ITGA1: variants seen among roughly 807,000 people sequenced by gnomAD.
ITGA1 encodes integrin alpha-1.
A neutral mutation model predicts 145.9 loss-of-function variants in ITGA1; 85 were observed. The ratio of observed to expected loss-of-function variants is 0.58; its 90% CI spans 0.49 to 0.70. The LOEUF (loss-of-function observed/expected upper bound fraction) is 0.70, where lower values mean the gene tolerates loss of function less well. Among genes scored for constraint, ITGA1 ranks in the 30% least tolerant of loss-of-function variants. The pLI is 0.00. For synonymous variants in ITGA1, 520 were observed against 495.3 expected (o/e 1.05, Z -0.66); for missense variants, 1,351 against 1,418.7 (o/e 0.95, Z 0.77).
At chr5:52,893,607 A>G (rs1371684806) in intron 8 of ITGA1, 68 bp from the exon 9 acceptor site, 1 of 1,414,964 alleles carries the variant, frequency 7.1e-7, no homozygotes, top group Non-Finnish European at 9.7e-7. Flanking sequence ...TACTGACAAA[A>G]TGCTTGAGAT....
Position 52,793,832 on chromosome 5 carries a change from G to A in ITGA1, c.61+5418G>A, listed in dbSNP as rs144833291. Among the ~76,000 whole-genome samples the A allele has an allele frequency of 4.9e-3, 740 of 152,106 alleles. 4 individuals are homozygous for A. The highest frequency in any genetic ancestry group is 6.5e-3 in the Non-Finnish European group (442 of 67,874). ...CTCTATCTTTAGAAGAGAGCTTCAG[G>A]AGAAAGGTGACAATAAAGTAATCAT... is the stretch of plus-strand genomic sequence containing the variant. On this transcript the variant is annotated intron_variant, in intron 1 of 28. Transcript: ENST00000282588.
intron 17 of ITGA1, among the ~76,000 whole-genome samples, chr5:52,922,093 G>A (rs1390655045): frequency 6.6e-6 from 1 of 152,098 alleles, no homozygotes; most frequent in Non-Finnish European, 1.5e-5. Flanking sequence ...CTGAGGTCAG[G>A]AGTTCGAGAC....
At chr5:52,873,782 A>G (rs1018429200) in intron 6 of ITGA1, among the ~76,000 whole-genome samples, 1 of 152,122 alleles carries the variant, frequency 6.6e-6, no homozygotes, top group Non-Finnish European at 1.5e-5. Flanking sequence ...TCTTACAGGA[A>G]CACACAAAAA....
intron 1 of ITGA1, among the ~76,000 whole-genome samples, chr5:52,825,643 G>A (rs1004853535): frequency 6.6e-6 from 1 of 152,098 alleles, no homozygotes; most frequent in African/African-American, 2.4e-5. Context: ...AAATAGGCAG[G>A]GCACAGTGGC....
chr5:52,886,368 T>C (rs1750047097), intron 7 of ITGA1, among the ~76,000 whole-genome samples: 1 of 152,234 alleles, frequency 6.6e-6, no homozygotes, highest in South Asian at 2.1e-4. Context: ...AATCCTCTCT[T>C]CCTGCTTAAA....
In ITGA1 at chr5:52,953,772, T is replaced by C. The variant is rs1443070611; in HGVS notation, c.*1321T>C. ...AGGAAAATAGCAATGAATGAATGTA[T>C]AGTAGCTGCATGTGTGAACTACTGC... On this transcript the variant is annotated 3_prime_UTR_variant, in exon 29 of 29. Transcript: ENST00000282588. 1 of 152,212 alleles carries C rather than the reference T, an allele frequency of 6.6e-6. No homozygotes were observed. The highest frequency in any genetic ancestry group is 1.9e-4 in the East Asian group (1 of 5,188). The allele number at this position is 152,212 out of a possible 1,614,324, so 9.4% of individuals were successfully genotyped here. A position where few individuals can be genotyped will look rare whatever the true frequency, so the allele number is the denominator to read the frequency against.
intron 10 of ITGA1, among the ~76,000 whole-genome samples, chr5:52,897,764 C>T (rs552465445): frequency 6.6e-6 from 1 of 152,256 alleles, no homozygotes; most frequent in South Asian, 2.1e-4. Flanking sequence ...GTGAATCAGA[C>T]AGTGTGAGCT....
chr5:52,957,078 C>T lies in ITGA1; in HGVS notation c.*4627C>T, dbSNP rs987937767. 2.0e-5 allele frequency: 3 copies of T among 152,134 alleles called. No individual in the cohort carries two copies. Among genetic ancestry groups the T allele is most frequent in the Admixed American group, 2.0e-4 (3 of 15,282 alleles). 9.4% of individuals were successfully genotyped at this position (152,134 alleles called of 1,614,324 possible). ...AACTGTAACATTGTAATCGGACGAACAAATCAGCATCTTTGATCCTCAGGT... is the reference window on the plus strand; with the variant it reads ...AACTGTAACATTGTAATCGGACGAATAAATCAGCATCTTTGATCCTCAGGT... On this transcript the variant is annotated 3_prime_UTR_variant, in exon 29 of 29. Coordinates refer to ENST00000282588, the MANE Select transcript of ITGA1 (RefSeq NM_181501.2).
intron 23 of ITGA1, among the ~76,000 whole-genome samples, chr5:52,936,416 G>A (rs950370634): frequency 2.0e-4 from 30 of 152,170 alleles, no homozygotes; most frequent in Admixed American, 1.5e-3. Context: ...GATGTATTTC[G>A]TCTTTACAAA....
chr5:52,800,321 C>T (rs1414723742), intron 1 of ITGA1: 1 of 1,555,774 alleles, frequency 6.4e-7, no homozygotes, highest in Non-Finnish European at 8.8e-7. Flanking sequence ...CCTGCATTCC[C>T]ATCCCCTCTC....
chr5:52,911,441 A>G (rs1288464485), intron 14 of ITGA1, among the ~76,000 whole-genome samples: 12 of 133,206 alleles, frequency 9.0e-5, no homozygotes, highest in Non-Finnish European at 9.4e-5. Context: ...TATATATAGT[A>G]TAGATACACT....
chr5:52,878,909 G>C (rs952974664), intron 6 of ITGA1, among the ~76,000 whole-genome samples: 9 of 149,232 alleles, frequency 6.0e-5, no homozygotes, highest in Non-Finnish European at 1.3e-4. Flanking sequence ...TGAGTTAAAT[G>C]TTTGCAAATA....
At chr5:52,896,722 TTTTGAGAATAA>T (rs1395925452) in intron 9 of ITGA1, among the ~76,000 whole-genome samples, 1 of 152,162 alleles carries the variant, frequency 6.6e-6, no homozygotes, top group Non-Finnish European at 1.5e-5. Context: ...TTTGTGAATA[TTTTGAGAATAA>T]TTTGAGAGTA....
intron 1 of ITGA1, among the ~76,000 whole-genome samples, chr5:52,796,540 A>C (rs573362887): frequency 9.2e-5 from 14 of 152,164 alleles, no homozygotes; most frequent in African/African-American, 3.1e-4. Context: ...GAAAATAAAT[A>C]TATAACTACA....
intron 8 of ITGA1, among the ~76,000 whole-genome samples, chr5:52,891,569 A>C (rs933656593): frequency 6.6e-6 from 1 of 151,224 alleles, no homozygotes; most frequent in Non-Finnish European, 1.5e-5. Flanking sequence ...AAAAAAAAAA[A>C]AAAAAAACCA....
chr5:52,880,467 C>T (rs1048851168), intron 6 of ITGA1, among the ~76,000 whole-genome samples: 3 of 152,204 alleles, frequency 2.0e-5, no homozygotes, highest in African/African-American at 7.2e-5. Context: ...TAAAAACACA[C>T]CAGAATATGC....
chr5:52,914,292 T>G (rs16880493), intron 14 of ITGA1, among the ~76,000 whole-genome samples: 9,953 of 152,122 alleles, frequency 0.065, 580 homozygotes, highest in Admixed American at 0.18. Flanking sequence ...CCAGAATCAA[T>G]CAAGCCCATA....
chr5:52,922,938 T>C (rs893662660), intron 18 of ITGA1, 51 bp downstream of exon 18: 3 of 1,051,384 alleles, frequency 2.9e-6, no homozygotes, highest in Non-Finnish European at 4.5e-6. Flanking sequence ...AACATTTTAA[T>C]GTCACTAGTA....
Position 52,800,633 on chromosome 5 carries a change from A to G in ITGA1, c.61+12219A>G, listed in dbSNP as rs749483513. The G allele has an allele frequency of 2.5e-6, 4 of 1,614,128 alleles. No individual in the cohort carries two copies. In the East Asian group the frequency reaches 8.9e-5, roughly 36 times the overall value. On this transcript the variant is annotated intron_variant, in intron 1 of 28. Coordinates refer to ENST00000282588, the MANE Select transcript of ITGA1 (RefSeq NM_181501.2). The stretch of plus-strand genomic sequence containing the variant: ...ATCGACTTCGACTCTCAAGCCTGCC[A>G]GCTGCGGGTTAAGGGGACCAACATC...
Sources: allele counts gnomAD v4.1 joint callset (sites outside exome capture counted in the v4.1 genomes callset), GRCh38; gene constraint gnomAD v4.1.1; transcripts MANE v1.5; gene names NCBI Gene and HGNC (gene_info 2026-07-23, HGNC 2026-07-21).